Variants in ZNF446 observed in about 807,000 individuals in gnomAD.
The protein encoded by ZNF446 is zinc finger protein 446, also known as zinc finger protein with KRAB and SCAN domains 20.
ZNF446 carries 42 observed loss-of-function variants against 34.0 expected under a neutral mutation model. That is an observed-to-expected ratio of 1.23 (90% CI 0.96 to 1.60). The LOEUF (loss-of-function observed/expected upper bound fraction) is 1.60, where lower values mean the gene tolerates loss of function less well. ZNF446 is among the 40% of genes most tolerant of loss of function. The pLI is 0.00. For missense variants in ZNF446, 650 were observed against 600.2 expected (o/e 1.08, Z -0.87); for synonymous variants, 315 against 251.0 (o/e 1.25, Z -2.41).
downstream of ZNF446, among the ~76,000 whole-genome samples, chr19:58,484,465 CAA>C (rs762913939): frequency 1.4e-4 from 14 of 97,334 alleles, no homozygotes; most frequent in Admixed American, 2.3e-4. Context: ...GACTCCATCT[CAA>C]AAAAAAAAAA....
intron 4 of ZNF446, 99 bp downstream of exon 4, chr19:58,478,280 T>G: frequency 9.0e-7 from 1 of 1,115,356 alleles, no homozygotes; most frequent in Non-Finnish European, 1.3e-6. Context: ...CCTTGACTAG[T>G]GGCTCTTTGC....
chr19:58,478,411 C>T (rs1325215510), intron 4 of ZNF446, among the ~76,000 whole-genome samples: 1 of 152,084 alleles, frequency 6.6e-6, no homozygotes, highest in Non-Finnish European at 1.5e-5. Flanking sequence ...CACCTGTAAT[C>T]CTAGCACTTT....
chr19:58,484,931 G>T (rs1020789976), downstream of ZNF446, among the ~76,000 whole-genome samples: 3 of 151,578 alleles, frequency 2.0e-5, no homozygotes, highest in Non-Finnish European at 4.4e-5. Flanking sequence ...GGTGGTGCAC[G>T]CCTGTTGTCC....
intron 4 of ZNF446, 147 bp from the exon 5 acceptor site, chr19:58,479,496 A>AAC: frequency 1.2e-6 from 1 of 804,340 alleles, no homozygotes; most frequent in South Asian, 1.8e-5. Flanking sequence ...GCACTTAACA[A>AAC]ACACACACCT....
At chr19:58,479,512 T>A (rs1292258624) in intron 4 of ZNF446, 131 bp from the exon 5 acceptor site, 11 of 905,220 alleles carry the variant, frequency 1.2e-5, no homozygotes, top group Non-Finnish European at 1.9e-5. Context: ...CACCTTGAGA[T>A]CATTCTCAGC....
chr19:58,477,254 C>A lies in ZNF446; in HGVS notation c.36C>A (p.Val12=). 6.2e-7 allele frequency: 1 copy of A among 1,600,530 alleles called. No homozygotes were observed. Among genetic ancestry groups the A allele is most frequent in the South Asian group, 1.1e-5 (1 of 90,050 alleles). The change falls in exon 2 of 7, where the codon GTC becomes GTA. Residue 12 remains valine, a synonymous_variant. Transcript: ENST00000594369. ...CTCTGGGTCCCCCATGCCTGCCCGT[C>A]ATGGACCCAGAGACCACCCTTGAGG... The part of the protein sequence containing the change: ...PSPLGPPCLP[V]MDPETTLEEP...
chr19:58,477,227 C>T lies in ZNF446; in HGVS notation c.9C>T (p.Ser3=), dbSNP rs150007614. The stretch of plus-strand genomic sequence containing the variant: ...CACCCCCTTGAGCAAGAATGCCATC[C>T]CCTCTGGGTCCCCCATGCCTGCCCG... MP[S]PLGPPCLPVM... Residue 3 remains serine (S), a synonymous_variant, in exon 2 of 7, where the codon TCC becomes TCT. Coordinates refer to ENST00000594369, the MANE Select transcript of ZNF446 (RefSeq NM_017908.4). The T allele has an allele frequency of 1.3e-6, 2 of 1,558,900 alleles. No homozygotes were observed. The highest frequency in any genetic ancestry group is 2.7e-5 in the African/African-American group (2 of 73,192).
chr19:58,479,447 G>C, intron 4 of ZNF446, 196 bp from the exon 5 acceptor site: 23 of 603,196 alleles, frequency 3.8e-5, no homozygotes, highest in Admixed American at 1.2e-4. Context: ...GATGAGTGCT[G>C]GCAGCAGCAC....
At position 58,477,356 on chromosome 19, in the gene ZNF446, G is replaced by A; in HGVS notation, c.138G>A (p.Arg46=). The A allele has an allele frequency of 2.5e-6, 4 of 1,613,428 alleles. No homozygotes were observed. The highest frequency in any genetic ancestry group is 3.4e-6 in the Non-Finnish European group (4 of 1,180,022). Reference sequence around the variant, plus strand: ...CAGGTCCCCGAGAAGCCCTGGCCCGGCTGCGTGAGCTGTGTTGCCAGTGGC... The same window carrying A: ...CAGGTCCCCGAGAAGCCCTGGCCCGACTGCGTGAGCTGTGTTGCCAGTGGC... ...EVAGPREALA[R]LRELCCQWLQ... is the part of the protein sequence containing the mutation. The change falls in exon 2 of 7, where the codon CGG becomes CGA. Residue 46 remains arginine, a synonymous_variant. Transcript: ENST00000594369.
rs2122447254 is a variant in ZNF446, at chr19:58,479,747, AC to A, written c.712+24del. On this transcript the variant is annotated intron_variant, in intron 5 of 6. Transcript: ENST00000594369. ...CCCTGGGTGAGGACCAGCCAGCCCC[AC>A]CCCGCCCCTCTCCCTGGGGCCTGCA... 6.3e-7 allele frequency: 1 copy of A among 1,597,422 alleles called. No homozygotes were observed. Among genetic ancestry groups the A allele is most frequent in the East Asian group, 2.3e-5 (1 of 44,098 alleles).
At chr19:58,481,443 T>G (rs940611190), downstream of ZNF446, among the ~76,000 whole-genome samples, 5 of 152,092 alleles carry the variant, frequency 3.3e-5, no homozygotes, top group Non-Finnish European at 7.4e-5. Context: ...AACTCATCAG[T>G]CCCGGCTTGA....
chr19:58,478,412 C>T (rs918245515), intron 4 of ZNF446, among the ~76,000 whole-genome samples: 3 of 152,116 alleles, frequency 2.0e-5, no homozygotes, highest in Admixed American at 6.6e-5. Context: ...ACCTGTAATC[C>T]TAGCACTTTG....
downstream of ZNF446, chr19:58,483,622 C>T (rs547346826): frequency 1.3e-4 from 20 of 152,058 alleles, no homozygotes; most frequent in East Asian, 3.9e-3. Context: ...TGCACTCCAG[C>T]CTGGGCAACA....
chr19:58,488,858 AAAAAAAC>A, the ZNF446 span, among the ~76,000 whole-genome samples: 1 of 151,280 alleles, frequency 6.6e-6, no homozygotes, highest in Non-Finnish European at 1.5e-5. Flanking sequence ...CAAAAAAAAA[AAAAAAAC>A]AAAAAAATAC....
rs536773451 is a variant in ZNF446 at position 58,480,766 on chromosome 19, C to T, written c.*40C>T. 1.4e-4 allele frequency: 221 copies of T among 1,573,124 alleles called. No homozygotes were observed. The highest frequency in any genetic ancestry group is 1.8e-4 in the East Asian group (8 of 44,438). On this transcript the variant is annotated 3_prime_UTR_variant, in exon 7 of 7. Coordinates refer to ENST00000594369, the MANE Select transcript of ZNF446 (RefSeq NM_017908.4). The surrounding 1 kb of genome is among the most constrained non-coding windows in gnomAD (Gnocchi z 7.2). ...CAGTCCCTCGGGGCCTCGGTGTTCTCGGGGCCTGGATACAGCCTCTGGGGC... is the reference window on the plus strand; with the variant it reads ...CAGTCCCTCGGGGCCTCGGTGTTCTTGGGGCCTGGATACAGCCTCTGGGGC...
downstream of ZNF446, among the ~76,000 whole-genome samples, chr19:58,482,158 T>A (rs1427993944): frequency 6.6e-6 from 1 of 152,040 alleles, no homozygotes; most frequent in Non-Finnish European, 1.5e-5. Flanking sequence ...TCCATTTTGT[T>A]GCCTTTTCCA....
chr19:58,480,095 ACGGGAGCTTGTGCCACGGCCACAAG>A lies in ZNF446; in HGVS notation c.802+78_803-55del. On this transcript the variant is annotated intron_variant, in intron 6 of 6. Coordinates refer to ENST00000594369, the MANE Select transcript of ZNF446 (RefSeq NM_017908.4). This position sits in a 1 kb window ranked among gnomAD's most constrained non-coding sequence, Gnocchi z 7.2. ...ACCTGAGCCACCCACTCATGGGGGG[ACGGGAGCTTGTGCCACGGCCACAAG>A]CCTGAGGGAGGGGTTGCTGAGTGCC... The A allele has an allele frequency of 1.3e-6, 2 of 1,556,874 alleles. No homozygotes were observed. Among genetic ancestry groups the A allele is most frequent in the East Asian group, 4.7e-5 (2 of 42,766 alleles).
Position 58,478,172 on chromosome 19 carries a change from C to T in ZNF446, c.618C>T (p.Pro206=). Reference sequence around the variant, plus strand: ...CAGCCTCCACATCCTTCCACCCACCCAGGATTCAGGTGAGCAGCCCCAAGT... The same window carrying T: ...CAGCCTCCACATCCTTCCACCCACCTAGGATTCAGGTGAGCAGCCCCAAGT... ...QEPASTSFHP[P]RIQEEWGLLD... is the part of the protein sequence containing the mutation. Residue 206 remains proline (P), a synonymous_variant, in exon 4 of 7, where the codon CCC becomes CCT. Transcript: ENST00000594369. The T allele has an allele frequency of 6.2e-7, 1 of 1,613,922 alleles. No individual in the cohort carries two copies. The highest frequency in any genetic ancestry group is 1.1e-5 in the South Asian group (1 of 91,066).
At position 58,480,912 on chromosome 19, in the gene ZNF446, C is replaced by G. The variant is rs1325237804; in HGVS notation, c.*186C>G. The G allele has an allele frequency of 1.4e-6, 1 of 706,480 alleles. No individual in the cohort carries two copies. The highest frequency in any genetic ancestry group is 1.8e-5 in the African/African-American group (1 of 55,824). 43.8% of individuals were successfully genotyped at this position (706,480 alleles called of 1,614,324 possible). On this transcript the variant is annotated 3_prime_UTR_variant, in exon 7 of 7. Coordinates refer to ENST00000594369, the MANE Select transcript of ZNF446 (RefSeq NM_017908.4). This position sits in a 1 kb window ranked among gnomAD's most constrained non-coding sequence, Gnocchi z 7.2. ...CTGGGTGCAAGGAAAAGGAGCTGCTCTCTCTCTTCTTGCCCCTGCCTCCTA... is the reference window on the plus strand; with the variant it reads ...CTGGGTGCAAGGAAAAGGAGCTGCTGTCTCTCTTCTTGCCCCTGCCTCCTA...
Sources: allele counts gnomAD v4.1 joint callset (sites outside exome capture counted in the v4.1 genomes callset), GRCh38; gene constraint gnomAD v4.1.1; non-coding constraint Gnocchi (gnomAD v3.1); transcripts MANE v1.5; gene names NCBI Gene and HGNC (gene_info 2026-07-23, HGNC 2026-07-21).